Variants in BLTP3A observed in about 807,000 individuals in gnomAD.
The protein encoded by BLTP3A is ICBP90 binding protein 1.
chr6:34,840,045 A>G, the BLTP3A span, among the ~76,000 whole-genome samples: 1 of 152,210 alleles, frequency 6.6e-6, no homozygotes, highest in African/African-American at 2.4e-5. Flanking sequence ...TTCCTATGTT[A>G]TGGCTACATG....
At chr6:34,820,098 A>C in the BLTP3A span, among the ~76,000 whole-genome samples, 2 of 152,048 alleles carry the variant, frequency 1.3e-5, no homozygotes, top group African/African-American at 4.8e-5. Context: ...TAAGCTGATA[A>C]TTAGCCTGTT....
At chr6:34,825,652 T>G in the BLTP3A span, among the ~76,000 whole-genome samples, 1 of 152,238 alleles carries the variant, frequency 6.6e-6, no homozygotes, top group South Asian at 2.1e-4. Context: ...TGAGGACGTT[T>G]CCTTCATGAG....
the BLTP3A span, among the ~76,000 whole-genome samples, chr6:34,797,284 G>A: frequency 3.3e-5 from 5 of 152,216 alleles, no homozygotes; most frequent in Non-Finnish European, 5.9e-5. Context: ...AGACCTGGCT[G>A]ATAGACATGA....
At chr6:34,857,350 A>G in the BLTP3A span, 2 of 1,613,584 alleles carry the variant, frequency 1.2e-6, no homozygotes, top group Non-Finnish European at 1.7e-6. Context: ...TGGACAGCCA[A>G]GTAAAAAGCC....
At chr6:34,813,280 G>T in the BLTP3A span, among the ~76,000 whole-genome samples, 1 of 152,146 alleles carries the variant, frequency 6.6e-6, no homozygotes, top group African/African-American at 2.4e-5. Flanking sequence ...TGAGTCTTGG[G>T]CAAGTCATTA....
chr6:34,831,643 TTTG>T, the BLTP3A span, among the ~76,000 whole-genome samples: 10 of 152,178 alleles, frequency 6.6e-5, no homozygotes, highest in South Asian at 4.1e-4. Context: ...GAACTGATTT[TTTG>T]TTGTTGTTGT....
the BLTP3A span, among the ~76,000 whole-genome samples, chr6:34,816,665 T>G: frequency 3.9e-5 from 6 of 152,162 alleles, no homozygotes; most frequent in African/African-American, 1.4e-4. Context: ...GCAGTTTATC[T>G]TAGTGGTTCT....
the BLTP3A span, among the ~76,000 whole-genome samples, chr6:34,808,373 A>G: frequency 1.6e-4 from 24 of 150,062 alleles, no homozygotes; most frequent in Non-Finnish European, 1.5e-5. Context: ...AAAAAAAAGA[A>G]TAGAAATCAG....
the BLTP3A span, chr6:34,836,091 A>C: frequency 1.9e-6 from 3 of 1,547,656 alleles, no homozygotes; most frequent in African/African-American, 4.1e-5. Flanking sequence ...ACCAAAGCTT[A>C]AAGAAAGCCT....
chr6:34,874,795 C>G, the BLTP3A span: 4 of 152,190 alleles, frequency 2.6e-5, no homozygotes, highest in South Asian at 2.1e-4. Context: ...GAGAACAGCA[C>G]TTTATACAAA....
chr6:34,827,171 C>T, the BLTP3A span, among the ~76,000 whole-genome samples: 4 of 152,020 alleles, frequency 2.6e-5, no homozygotes, highest in South Asian at 2.1e-4. Context: ...ATTAGCCGGG[C>T]GTGGTGGCGC....
At chr6:34,868,200 G>A in the BLTP3A span, among the ~76,000 whole-genome samples, 1 of 152,108 alleles carries the variant, frequency 6.6e-6, no homozygotes, top group Non-Finnish European at 1.5e-5. Context: ...CAGCTACTTG[G>A]GAGGCTGAGG....
At chr6:34,818,363 G>A in the BLTP3A span, among the ~76,000 whole-genome samples, 1 of 152,074 alleles carries the variant, frequency 6.6e-6, no homozygotes, top group Non-Finnish European at 1.5e-5. Flanking sequence ...CAGCTACTAG[G>A]GAGTTTGAGG....
chr6:34,836,623 C>T, the BLTP3A span, among the ~76,000 whole-genome samples: 1 of 152,156 alleles, frequency 6.6e-6, no homozygotes, highest in Non-Finnish European at 1.5e-5. Context: ...TTAGAGTCTT[C>T]AGTGGTAGAG....
At chr6:34,858,069 G>A in the BLTP3A span, 1 of 1,581,242 alleles carries the variant, frequency 6.3e-7, no homozygotes, top group African/African-American at 1.4e-5. Context: ...TTAATAGTGG[G>A]ATGCTGAGAT....
the BLTP3A span, among the ~76,000 whole-genome samples, chr6:34,793,915 C>G: frequency 8.3e-6 from 1 of 120,826 alleles, no homozygotes; most frequent in Admixed American, 8.0e-5. Context: ...GTATCTACTT[C>G]AAGGGTACAA....
the BLTP3A span, chr6:34,858,116 C>T: frequency 1.2e-6 from 2 of 1,608,232 alleles, no homozygotes; most frequent in Non-Finnish European, 1.7e-6. Flanking sequence ...TTCATTTTCT[C>T]TGTGAAGGTG....
the BLTP3A span, among the ~76,000 whole-genome samples, chr6:34,845,810 G>C: frequency 6.6e-6 from 1 of 151,882 alleles, no homozygotes; most frequent in East Asian, 1.9e-4. Flanking sequence ...TGTTAGCCAG[G>C]ATGGTCTCGA....
At chr6:34,840,837 C>T in the BLTP3A span, among the ~76,000 whole-genome samples, 1 of 151,882 alleles carries the variant, frequency 6.6e-6, no homozygotes, top group Non-Finnish European at 1.5e-5. Flanking sequence ...AGGATGCTCT[C>T]GATTCCCTGA....
Sources: allele counts gnomAD v4.1 joint callset (sites outside exome capture counted in the v4.1 genomes callset), GRCh38; gene constraint gnomAD v4.1.1; transcripts MANE v1.5; gene names NCBI Gene and HGNC (gene_info 2026-07-23, HGNC 2026-07-21).